The following NACC2 variants were observed in gnomAD, a reference collection of about 807,000 sequenced individuals.
NACC2 encodes the protein NACC family member 2.
A neutral mutation model predicts 25.1 loss-of-function variants in NACC2; 8 were observed. The observed-to-expected ratio is 0.32, with a 90% CI of 0.19 to 0.57. The LOEUF is 0.57. NACC2 is among the 20% of genes least tolerant of loss of function. The pLI is 0.89. For synonymous variants in NACC2, 435 were observed against 294.7 expected, an observed-to-expected ratio of 1.48 and a Z score of -4.88; for missense variants, 644 against 650.2, an observed-to-expected ratio of 0.99 and a Z score of 0.10.
rs1223725275 is a variant in NACC2 at position 136,022,311 on chromosome 9, A to T, written c.887-5882T>A. Reference sequence around the variant, plus strand: ...CAGTGGGCCTCGGGGAGATGACCACACTCTCCACATGGGGCTGTGTCCCAC... The same window carrying T: ...CAGTGGGCCTCGGGGAGATGACCACTCTCTCCACATGGGGCTGTGTCCCAC... On this transcript the variant is annotated intron_variant, in intron 2 of 5. Transcript: ENST00000277554. This position sits in a 1 kb window ranked among gnomAD's most constrained non-coding sequence, Gnocchi z 4.4. 6.6e-6 allele frequency among the ~76,000 whole-genome samples: 1 copy of T among 151,960 alleles called. No individual in the cohort carries two copies.
chr9:136,050,543 C>T lies in NACC2; in HGVS notation c.-22G>A, dbSNP rs2131162724. Reference sequence around the variant, plus strand: ...ACATGGCGGGCGGGCAGCGGCGGGGCTGGGCTCTCAGCGCGGGGCGGCCCT... The same window carrying T: ...ACATGGCGGGCGGGCAGCGGCGGGGTTGGGCTCTCAGCGCGGGGCGGCCCT... On this transcript the variant is annotated 5_prime_UTR_variant, in exon 2 of 6. Coordinates refer to ENST00000277554, the MANE Select transcript of NACC2 (RefSeq NM_144653.5). The T allele has an allele frequency of 1.3e-6, 1 of 752,598 alleles. No homozygotes were observed. The highest frequency in any genetic ancestry group is 2.5e-5 in the East Asian group (1 of 40,480). 46.6% of individuals were successfully genotyped at this position (752,598 alleles called of 1,614,324 possible).
In NACC2 at chr9:136,011,255, A is replaced by T; in HGVS notation, c.*261T>A. 2 of 296,840 alleles carry T rather than the reference A, an allele frequency of 6.7e-6. No homozygotes were observed. The highest frequency in any genetic ancestry group is 1.2e-5 in the Non-Finnish European group (2 of 165,596). The allele number at this position is 296,840 out of a possible 1,614,324, so 18.4% of individuals were successfully genotyped here. On this transcript the variant is annotated 3_prime_UTR_variant, in exon 6 of 6. Transcript: ENST00000277554. Reference sequence around the variant, plus strand: ...CCCCAAGAAGGGGGAGGGAAGCTACACTTGGAGGCTGACCTTGTGAATATC... The same window carrying T: ...CCCCAAGAAGGGGGAGGGAAGCTACTCTTGGAGGCTGACCTTGTGAATATC...
rs202049171 is a variant in NACC2, at chr9:136,013,857, G to T, written c.1157+7C>A. The T allele has an allele frequency of 2.2e-5, 36 of 1,611,424 alleles. No homozygotes were observed. In the African/African-American group the frequency reaches 3.7e-4, roughly 17 times the overall value. On this transcript the variant is annotated splice_region_variant and intron_variant, in intron 4 of 5. Coordinates refer to ENST00000277554, the MANE Select transcript of NACC2 (RefSeq NM_144653.5). The surrounding 1 kb of genome is among the most constrained non-coding windows in gnomAD (Gnocchi z 6.6). Reference sequence around the variant, plus strand: ...TTGTGCCCTCCAGCACTCCTGCCCCGACCTACCTGTCAAAGAAGGTGGCCA... The same window carrying T: ...TTGTGCCCTCCAGCACTCCTGCCCCTACCTACCTGTCAAAGAAGGTGGCCA...
chr9:136,041,393 C>T (rs1304650153), intron 2 of NACC2, among the ~76,000 whole-genome samples: 1 of 150,560 alleles, frequency 6.6e-6, no homozygotes, highest in Non-Finnish European at 1.5e-5. Context: ...GCACTCCAGC[C>T]TGGGTAAGAG....
At chr9:136,042,683 TAC>T (rs199608621) in intron 2 of NACC2, among the ~76,000 whole-genome samples, 1,341 of 127,334 alleles carry the variant, frequency 0.011, 18 homozygotes, top group African/African-American at 0.038. Context: ...CACACAGACA[TAC>T]ACACACAGAC....
intron 1 of NACC2, among the ~76,000 whole-genome samples, chr9:136,069,243 A>G (rs891216274): frequency 1.3e-5 from 2 of 151,668 alleles, no homozygotes; most frequent in African/African-American, 4.9e-5. Context: ...TAGCTGAGTC[A>G]TATTTTAAAA....
intron 1 of NACC2, among the ~76,000 whole-genome samples, chr9:136,057,701 G>C (rs943122117): frequency 2.6e-5 from 4 of 152,202 alleles, no homozygotes; most frequent in African/African-American, 9.6e-5. Context: ...GCTCGGCCGG[G>C]TGGAAGCTGA....
intron 2 of NACC2, among the ~76,000 whole-genome samples, chr9:136,041,339 G>A (rs1840629147): frequency 1.3e-5 from 2 of 151,780 alleles, no homozygotes; most frequent in Admixed American, 6.6e-5. Flanking sequence ...GAAACTGCCT[G>A]AACCCAGGAG....
At chr9:136,047,374 C>T (rs1840746530) in intron 2 of NACC2, among the ~76,000 whole-genome samples, 1 of 152,236 alleles carries the variant, frequency 6.6e-6, no homozygotes. Context: ...AAATCACACA[C>T]CCCCTTTCTC....
rs1046766027 is a variant in NACC2 at position 136,048,422 on chromosome 9, C to T, written c.886+1214G>A. On this transcript the variant is annotated intron_variant, in intron 2 of 5. Coordinates refer to ENST00000277554, the MANE Select transcript of NACC2 (RefSeq NM_144653.5). ...CTCTGCCCTCAGGAAGGGCCAATTC[C>T]GTAGCTAGCAAAGCTCCCAGTCTCA... Among the ~76,000 whole-genome samples, 550 of 152,338 alleles carry T rather than the reference C, an allele frequency of 3.6e-3. 2 individuals carry two copies. Among genetic ancestry groups the T allele is most frequent in the African/African-American group, 0.012 (518 of 41,572 alleles).
In NACC2 at chr9:136,049,892, C is replaced by CGCCACCGCAGCCCCCGCG. The variant is rs1840791036; in HGVS notation, c.612_629dup (p.Ala207_Gly212dup). ...GCAGTTTGAGAGGGGCTGTGCCCGC[C>CGCCACCGCAGCCCCCGCG]GCCACCGCAGCCCCCGCGGCCACCG... On this transcript the variant is annotated inframe_insertion, in exon 2 of 6. Transcript: ENST00000277554. The CGCCACCGCAGCCCCCGCG allele has an allele frequency of 8.5e-6, 5 of 590,642 alleles. No homozygotes were observed. The highest frequency in any genetic ancestry group is 1.2e-5 in the Non-Finnish European group (4 of 327,198). The allele number at this position is 590,642 out of a possible 1,614,324, so 36.6% of individuals were successfully genotyped here.
chr9:136,030,503 G>C (rs1466078684), intron 2 of NACC2, among the ~76,000 whole-genome samples: 4 of 151,876 alleles, frequency 2.6e-5, no homozygotes, highest in African/African-American at 9.7e-5. Flanking sequence ...CCAGCTACTT[G>C]GGAGGCTGAG....
intron 1 of NACC2, among the ~76,000 whole-genome samples, chr9:136,077,575 C>G (rs1454378997): frequency 6.6e-6 from 1 of 152,132 alleles, no homozygotes; most frequent in African/African-American, 2.4e-5. Context: ...ACAAATTCTA[C>G]AAATCCATCA....
intron 1 of NACC2, among the ~76,000 whole-genome samples, chr9:136,081,755 G>A (rs577090381): frequency 2.6e-5 from 4 of 152,134 alleles, no homozygotes; most frequent in Non-Finnish European, 4.4e-5. Context: ...ACCAAGTGGC[G>A]GCAGCAGCTG....
At chr9:136,060,194 G>A (rs1192703003) in intron 1 of NACC2, among the ~76,000 whole-genome samples, 3 of 152,222 alleles carry the variant, frequency 2.0e-5, no homozygotes, top group Non-Finnish European at 4.4e-5. Flanking sequence ...AATTGTCCTC[G>A]TGCGCCAGTG....
intron 1 of NACC2, 106 bp from the exon 2 acceptor site, chr9:136,050,686 A>G: frequency 3.1e-6 from 2 of 635,078 alleles, no homozygotes; most frequent in South Asian, 3.6e-5. Flanking sequence ...ACAAAGAGCG[A>G]GCCTTCCGCA....
At chr9:136,015,264 C>G (rs960488587) in intron 3 of NACC2, among the ~76,000 whole-genome samples, 2 of 152,258 alleles carry the variant, frequency 1.3e-5, no homozygotes, top group East Asian at 3.8e-4. Flanking sequence ...GCGTGGGCAC[C>G]TGCGCCCCAG....
intron 2 of NACC2, among the ~76,000 whole-genome samples, chr9:136,030,655 C>T (rs1048339523): frequency 1.3e-5 from 2 of 152,078 alleles, no homozygotes; most frequent in African/African-American, 4.8e-5. Flanking sequence ...CATGTCAATA[C>T]ATCTGAACTT....
rs976140369 is a variant in NACC2, at chr9:136,044,762, C to T, written c.886+4874G>A. 5.9e-5 allele frequency among the ~76,000 whole-genome samples: 9 copies of T among 152,308 alleles called. No homozygotes were observed. In the East Asian group the frequency reaches 1.2e-3, roughly 20 times the overall value. On this transcript the variant is annotated intron_variant, in intron 2 of 5. Coordinates refer to ENST00000277554, the MANE Select transcript of NACC2 (RefSeq NM_144653.5). ...GGTGGGAGCGGCCTCGGACATACAGCCCTGCTCCCCGACCGGGCAGGTGTA... is the reference window on the plus strand; with the variant it reads ...GGTGGGAGCGGCCTCGGACATACAGTCCTGCTCCCCGACCGGGCAGGTGTA...
Sources: gnomAD v4.1 joint callset for allele counts (sites outside exome capture counted in the v4.1 genomes callset) on GRCh38, gnomAD v4.1.1 for gene constraint, Gnocchi (gnomAD v3.1) non-coding constraint, MANE v1.5 for transcripts, NCBI Gene and HGNC (gene_info 2026-07-23, HGNC 2026-07-21) for gene names.